The following GOLGA3 variants were observed in gnomAD, a reference collection of about 807,000 sequenced individuals.
GOLGA3 encodes the protein golgin A3, also known as golgin subfamily A member 3.
In GOLGA3, 75 loss-of-function variants were observed where a neutral mutation model predicts 169.4. The ratio of observed to expected loss-of-function variants is 0.44; its 90% CI spans 0.37 to 0.54. The LOEUF (loss-of-function observed/expected upper bound fraction) is 0.54, where lower values mean the gene tolerates loss of function less well. Ranked by LOEUF, GOLGA3 falls within the 20% of genes least tolerant of loss-of-function variation. GOLGA3 has a pLI of 0.00. For missense variants in GOLGA3, 1,899 were observed against 1,930.0 expected (o/e 0.98, Z 0.30); for synonymous variants, 824 against 822.4 (o/e 1.00, Z -0.03).
At position 132,773,161 on chromosome 12, in the gene GOLGA3, C is replaced by T. The variant is rs774397166; in HGVS notation, c.4441G>A (p.Gly1481Ser). ...CTCTGACTGTGTCTCTGTGGGTCGC[C>T]GCGTGGGCCGGCGTGACCCCCCGGG... ...VPPGGHAGPR[G>S]DPQRHSQSRA... is the part of the protein sequence containing the mutation. Residue 1481 changes from glycine to serine, a missense_variant, in exon 24 of 24, where the codon GGC becomes AGC. Transcript: ENST00000450791. 26 of 1,583,534 alleles carry T rather than the reference C, an allele frequency of 1.6e-5. No homozygotes were observed. The East Asian group carries it at 2.8e-4, about 17-fold the overall frequency.
chr12:132,807,934 C>A lies in GOLGA3; in HGVS notation c.1135G>T (p.Val379Phe). 1 of 1,607,510 alleles carries A rather than the reference C, an allele frequency of 6.2e-7. No individual in the cohort carries two copies. Among genetic ancestry groups the A allele is most frequent in the Non-Finnish European group, 8.5e-7 (1 of 1,176,450 alleles). The change falls in exon 5 of 24, where the codon GTC becomes TTC. Residue 379 changes from valine (V) to phenylalanine (F), a missense_variant. Coordinates refer to ENST00000450791, the MANE Select transcript of GOLGA3 (RefSeq NM_001389683.1). The part of the protein sequence containing the change: ...AAEHQDQGQE[V>F]NGEVRSRRDS... ...CTCCGACTCCGCACCTCCCCGTTGA[C>A]CTCCTGCCCCTGGTCTTGGTGCTCA...
At position 132,808,465 on chromosome 12, in the gene GOLGA3, T is replaced by G; in HGVS notation, c.604A>C (p.Ser202Arg). 1 of 1,614,088 alleles carries G rather than the reference T, an allele frequency of 6.2e-7. No homozygotes were observed. Among genetic ancestry groups the G allele is most frequent in the Non-Finnish European group, 8.5e-7 (1 of 1,179,920 alleles). Residue 202 changes from serine to arginine, a missense_variant, in exon 5 of 24, where the codon AGT (serine) becomes CGT (arginine). By Grantham distance (110) the Ser-to-Arg change is moderately radical. Coordinates refer to ENST00000450791, the MANE Select transcript of GOLGA3 (RefSeq NM_001389683.1). Reference sequence around the variant, plus strand: ...TATTCTTTTGTCATAGCCAGGGTACTGGCCCTTGGTAAGTTTTCTGGGTTT... The same window carrying G: ...TATTCTTTTGTCATAGCCAGGGTACGGGCCCTTGGTAAGTTTTCTGGGTTT... Reference protein sequence around the residue: ...MLNPENLPRASTLAMTKEYSF... With the variant: ...MLNPENLPRARTLAMTKEYSF...
rs535795921 is a variant in GOLGA3 at position 132,803,239 on chromosome 12, C to T, written c.1598-1270G>A. Among the ~76,000 whole-genome samples the T allele has an allele frequency of 8.5e-5, 13 of 152,302 alleles. 1 individual carries two copies. The highest frequency in any genetic ancestry group is 1.4e-4 in the African/African-American group (6 of 41,560). ...AGGCAGAGTATCCTGCCCTCCTCAG[C>T]GGGCGCCTAGGATGACTCACGTACT... On this transcript the variant is annotated intron_variant, in intron 7 of 23. Transcript: ENST00000450791.
At chr12:132,774,528 C>A (rs952380485) in intron 22 of GOLGA3, 7 of 607,252 alleles carry the variant, frequency 1.2e-5, no homozygotes, top group African/African-American at 1.1e-4. Flanking sequence ...TCCTAAGGCA[C>A]AAAACCAGAG....
At position 132,805,102 on chromosome 12, in the gene GOLGA3, C is replaced by T. The variant is rs1949326435; in HGVS notation, c.1291-80G>A. On this transcript the variant is annotated intron_variant, in intron 6 of 23. Coordinates refer to ENST00000450791, the MANE Select transcript of GOLGA3 (RefSeq NM_001389683.1). ...AGTGTATTAACAGGAACACAACCAGCGAGTCAGTCAGGGCCTGACAGGGGA... is the reference window on the plus strand; with the variant it reads ...AGTGTATTAACAGGAACACAACCAGTGAGTCAGTCAGGGCCTGACAGGGGA... The T allele has an allele frequency of 8.1e-6, 12 of 1,474,128 alleles. No homozygotes were observed. The Admixed American group carries it at 2.4e-4, about 29-fold the overall frequency. The allele number at this position is 1,474,128 out of a possible 1,614,324, so 91.3% of individuals were successfully genotyped here. A position where few individuals can be genotyped will look rare whatever the true frequency, so the allele number is the denominator to read the frequency against.
At chr12:132,798,956 A>G (rs1949003917) in intron 8 of GOLGA3, among the ~76,000 whole-genome samples, 1 of 152,188 alleles carries the variant, frequency 6.6e-6, no homozygotes, top group South Asian at 2.1e-4. Context: ...CCAGGTGCTC[A>G]GGCCCACGCT....
intron 3 of GOLGA3, among the ~76,000 whole-genome samples, chr12:132,814,621 G>C (rs575954331): frequency 6.6e-6 from 1 of 152,184 alleles, no homozygotes; most frequent in Non-Finnish European, 1.5e-5. Flanking sequence ...GTCACATTAC[G>C]ATAAGGCTCT....
At chr12:132,785,408 T>A (rs2045843865) in intron 15 of GOLGA3, among the ~76,000 whole-genome samples, 1 of 152,202 alleles carries the variant, frequency 6.6e-6, no homozygotes, top group Non-Finnish European at 1.5e-5. Context: ...CCTCCCAGGC[T>A]GAGGCGATCC....
chr12:132,772,553 A>AAAC lies in GOLGA3; in HGVS notation c.*551_*552insGTT, dbSNP rs928973251. On this transcript the variant is annotated 3_prime_UTR_variant, in exon 24 of 24. Transcript: ENST00000450791. ...AGCGAGACTCTGTCTCAAAAAAAAA[A>AAAC]AAAAAAAAAAAACAAAGATTGGATT... 6.6e-6 allele frequency: 1 copy of AAAC among 151,256 alleles called. No homozygotes were observed. The highest frequency in any genetic ancestry group is 2.4e-5 in the African/African-American group (1 of 40,832). 9.4% of individuals were successfully genotyped at this position (151,256 alleles called of 1,614,324 possible). A position where few individuals can be genotyped will look rare whatever the true frequency, so the allele number is the denominator to read the frequency against.
At position 132,789,175 on chromosome 12, in the gene GOLGA3, ATCAGCTCCTGCCGCAGCTCCT is replaced by A; in HGVS notation, c.2642_2662del (p.Lys881_Leu887del). 6.2e-7 allele frequency: 1 copy of A among 1,612,132 alleles called. No homozygotes were observed. Among genetic ancestry groups the A allele is most frequent in the Non-Finnish European group, 8.5e-7 (1 of 1,180,022 alleles). ...AGTCCGCTTCTCCCCGTGCACTTGC[ATCAGCTCCTGCCGCAGCTCCT>A]TCAGCTCCGAGTCCAGCCTCTTCCT... On this transcript the variant is annotated inframe_deletion, in exon 13 of 24. Transcript: ENST00000450791.
intron 15 of GOLGA3, 114 bp from the exon 16 acceptor site, chr12:132,784,421 G>A: frequency 1.2e-6 from 1 of 837,746 alleles, no homozygotes; most frequent in Non-Finnish European, 1.9e-6. Context: ...GACACCAGCT[G>A]TCTGACACAG....
Position 132,784,255 on chromosome 12 carries a change from G to A in GOLGA3, c.3176C>T (p.Thr1059Met), listed in dbSNP as rs753110778. 21 of 1,611,014 alleles carry A rather than the reference G, an allele frequency of 1.3e-5. No homozygotes were observed. The highest frequency in any genetic ancestry group is 5.0e-5 in the Admixed American group (3 of 60,020). The change falls in exon 16 of 24, where the codon ACG becomes ATG. Residue 1059 changes from threonine (T) to methionine (M), a missense_variant. Transcript: ENST00000450791. ...CTCCTGCAGTTCCTTTTCCAGCAGC[G>A]TCTTGCTATGACTGACAGCCTGCAG... ...AELQAVSHSKTLLEKELQEVI... is the reference protein window; with the variant it reads ...AELQAVSHSKMLLEKELQEVI...
At chr12:132,784,448 T>A (rs986223870) in intron 15 of GOLGA3, 141 bp from the exon 16 acceptor site, 1 of 709,946 alleles carries the variant, frequency 1.4e-6, no homozygotes, top group African/African-American at 1.8e-5. Context: ...AACCTTCCTT[T>A]TTGTTAAAGA....
intron 15 of GOLGA3, among the ~76,000 whole-genome samples, chr12:132,785,090 T>C (rs2045827450): frequency 2.0e-5 from 3 of 152,152 alleles, no homozygotes; most frequent in South Asian, 4.1e-4. Context: ...AGGTGAGAAA[T>C]TTGCCAAAAG....
Position 132,786,403 on chromosome 12 carries a change from G to A in GOLGA3, c.3059C>T (p.Ala1020Val), listed in dbSNP as rs531067036. ...TCGGAGCTGGCCCAGCTCCGCGTCC[G>A]CAGCCTCCTTGGCCGCGAGGGCCTC... is the stretch of plus-strand genomic sequence containing the variant. ...LQEALAAKEA[A>V]DAELGQLRAQ... is the part of the protein sequence containing the mutation. Residue 1020 changes from alanine to valine, a missense_variant, in exon 15 of 24, where the codon GCG becomes GTG. Physicochemically the swap from Ala to Val is moderately conservative, Grantham distance 64. Transcript: ENST00000450791. 31 of 1,612,742 alleles carry A rather than the reference G, an allele frequency of 1.9e-5. No homozygotes were observed. The highest frequency in any genetic ancestry group is 1.9e-4 in the South Asian group (17 of 91,000).
At chr12:132,778,007 T>A (rs1446195793) in intron 18 of GOLGA3, among the ~76,000 whole-genome samples, 1 of 152,276 alleles carries the variant, frequency 6.6e-6, no homozygotes. Flanking sequence ...CACACTTATG[T>A]GGCTGCTGCT....
In GOLGA3 at chr12:132,776,753, C is replaced by T. The variant is rs1310777496; in HGVS notation, c.3859G>A (p.Glu1287Lys). ...SKQPVGNQEMENLKWEVDQKE... is the reference protein window; with the variant it reads ...SKQPVGNQEMKNLKWEVDQKE... ...TGATCCACCTCCCATTTGAGATTTTCCATCTAAAGAGGGGAAAGTCACATG... is the reference window on the plus strand; with the variant it reads ...TGATCCACCTCCCATTTGAGATTTTTCATCTAAAGAGGGGAAAGTCACATG... The change falls in exon 21 of 24, where the codon GAA (glutamate) becomes AAA (lysine). Residue 1287 changes from glutamate to lysine, a missense_variant. Physicochemically the swap from Glu to Lys is moderately conservative, Grantham distance 56 (BLOSUM62 1). Transcript: ENST00000450791. The T allele has an allele frequency of 1.9e-6, 3 of 1,613,898 alleles. No individual in the cohort carries two copies. Among genetic ancestry groups the T allele is most frequent in the Non-Finnish European group, 2.5e-6 (3 of 1,179,924 alleles).
rs942402678 is a variant in GOLGA3 at position 132,809,921 on chromosome 12, GTTTAT to G, written c.520-1377_520-1373del. ...ACAGAACTTTCCTGGCTACTCTCCA[GTTTAT>G]TTTATTTTTTTGGATAAACATAGAA... is the stretch of plus-strand genomic sequence containing the variant. On this transcript the variant is annotated intron_variant, in intron 4 of 23. Transcript: ENST00000450791. 1.8e-4 allele frequency among the ~76,000 whole-genome samples: 27 copies of G among 152,204 alleles called. No individual in the cohort carries two copies. The South Asian group carries it at 3.1e-3, about 18-fold the overall frequency.
chr12:132,786,662 C>A (rs2045918427), intron 14 of GOLGA3, 31 bp downstream of exon 14: 1 of 1,516,354 alleles, frequency 6.6e-7, no homozygotes, highest in South Asian at 1.1e-5. Context: ...CACCTGGCCC[C>A]CGCACCTCCC....
Sources: allele counts gnomAD v4.1 joint callset (sites outside exome capture counted in the v4.1 genomes callset), GRCh38; gene constraint gnomAD v4.1.1; transcripts MANE v1.5; gene names NCBI Gene and HGNC (gene_info 2026-07-23, HGNC 2026-07-21).